The following PDE3A variants were observed in gnomAD, a reference collection of about 807,000 sequenced individuals.
PDE3A encodes phosphodiesterase 3A.
PDE3A carries 43 observed loss-of-function variants against 98.3 expected under a neutral mutation model. The observed-to-expected ratio is 0.44, with a 90% CI of 0.34 to 0.56. The LOEUF is 0.56. Among genes scored for constraint, PDE3A ranks in the 20% least tolerant of loss-of-function variants. The pLI is 0.01. For synonymous variants in PDE3A, 663 were observed against 567.9 expected (o/e 1.17, Z -2.38); for missense variants, 1,427 against 1,440.7 (o/e 0.99, Z 0.15).
At chr12:20,626,473 G>T (rs1565454481) in intron 5 of PDE3A, among the ~76,000 whole-genome samples, 1 of 151,630 alleles carries the variant, frequency 6.6e-6, no homozygotes, top group South Asian at 2.1e-4. Flanking sequence ...GTTGCCAAGA[G>T]TTACACTTTT....
chr12:20,677,769 C>G (rs1249550596), intron 15 of PDE3A, among the ~76,000 whole-genome samples: 1 of 151,698 alleles, frequency 6.6e-6, no homozygotes, highest in Non-Finnish European at 1.5e-5. Context: ...GTCAGGGAAA[C>G]TTTTTCTTGA....
At chr12:20,662,182 C>A (rs951957106) in intron 15 of PDE3A, among the ~76,000 whole-genome samples, 3 of 152,158 alleles carry the variant, frequency 2.0e-5, no homozygotes, top group Non-Finnish European at 4.4e-5. Context: ...TTATCAGTAG[C>A]ATGAAAACGG....
rs1325749778 is a variant in PDE3A, at chr12:20,369,761, GGCTGTCGCGCT to G, written c.482_492del (p.Val161GlyfsTer55). On this transcript the variant is annotated frameshift_variant, in exon 1 of 16. Transcript: ENST00000359062. LOFTEE classifies it high-confidence loss of function. ...TGCGCGCCGGGGTGCGCCTGCCTCT[GGCTGTCGCGCT>G]GCTGGCCGCCTGCTGCGGGGGGGAA... 2.1e-5 allele frequency: 34 copies of G among 1,612,526 alleles called. No homozygotes were observed. Among genetic ancestry groups the G allele is most frequent in the Non-Finnish European group, 2.7e-5 (32 of 1,179,782 alleles).
intron 1 of PDE3A, among the ~76,000 whole-genome samples, chr12:20,512,218 C>A: frequency 6.6e-6 from 1 of 151,352 alleles, no homozygotes; most frequent in East Asian, 1.9e-4. Context: ...TTGTACTATG[C>A]TAATATAAAA....
At chr12:20,393,562 A>G (rs1432501226) in intron 1 of PDE3A, among the ~76,000 whole-genome samples, 1 of 152,004 alleles carries the variant, frequency 6.6e-6, no homozygotes, top group African/African-American at 2.4e-5. Flanking sequence ...CAGTTACCTG[A>G]TTTGATTATT....
At position 20,634,064 on chromosome 12, in the gene PDE3A, C is replaced by G. The variant is rs114938517; in HGVS notation, c.1846+286C>G. ...AATTAAAATCATCTGTACTCCTACT[C>G]TCTAGAGTTAATCATTGGTAAAGTT... On this transcript the variant is annotated intron_variant, in intron 7 of 15. Coordinates refer to ENST00000359062, the MANE Select transcript of PDE3A (RefSeq NM_000921.5). Among the ~76,000 whole-genome samples, 824 of 152,214 alleles carry G rather than the reference C, an allele frequency of 5.4e-3. 7 individuals carry two copies. Among genetic ancestry groups the G allele is most frequent in the African/African-American group, 0.018 (768 of 41,532 alleles).
At chr12:20,519,952 C>T (rs537380707) in intron 1 of PDE3A, among the ~76,000 whole-genome samples, 1 of 152,140 alleles carries the variant, frequency 6.6e-6, no homozygotes, top group Non-Finnish European at 1.5e-5. Flanking sequence ...ACTCCTCCAA[C>T]GTAGATGTCC....
chr12:20,593,861 G>T (rs1325059550), intron 2 of PDE3A, among the ~76,000 whole-genome samples: 1 of 152,206 alleles, frequency 6.6e-6, no homozygotes, highest in South Asian at 2.1e-4. Flanking sequence ...AACATAGGGT[G>T]AGGGCTGGGA....
rs1944370432 is a variant in PDE3A at position 20,631,236 on chromosome 12, A to G, written c.1760+1109A>G. 2.0e-5 allele frequency among the ~76,000 whole-genome samples: 3 copies of G among 152,280 alleles called. No homozygotes were observed. In the Middle Eastern group the frequency reaches 0.01, roughly 518 times the overall value. On this transcript the variant is annotated intron_variant, in intron 6 of 15. Transcript: ENST00000359062. ...AGTTTTTTAATAAAATAATTTCTGC[A>G]GGATATTAATCTCATCTCTTTTCCA...
chr12:20,541,105 TTTTTTTTTTG>T (rs1941895392), intron 1 of PDE3A, among the ~76,000 whole-genome samples: 4 of 84,938 alleles, frequency 4.7e-5, no homozygotes, highest in South Asian at 3.9e-4. Context: ...TTTTTTTTTT[TTTTTTTTTTG>T]AGACAGGGTC....
At chr12:20,507,434 G>A (rs916934212) in intron 1 of PDE3A, among the ~76,000 whole-genome samples, 7 of 152,166 alleles carry the variant, frequency 4.6e-5, no homozygotes, top group Middle Eastern at 3.4e-3. Context: ...ATTGACCAGT[G>A]AATGCTTTAC....
chr12:20,454,180 C>G (rs866204207), intron 1 of PDE3A, among the ~76,000 whole-genome samples: 1 of 152,166 alleles, frequency 6.6e-6, no homozygotes, highest in Non-Finnish European at 1.5e-5. Context: ...CTTGCTTGAA[C>G]CCGTTAAGCA....
chr12:20,490,553 G>A (rs1267029735), intron 1 of PDE3A, among the ~76,000 whole-genome samples: 2 of 152,104 alleles, frequency 1.3e-5, no homozygotes, highest in East Asian at 1.9e-4. Flanking sequence ...CAATCATGAG[G>A]CTGAGGTGCA....
chr12:20,678,214 T>G (rs982084461), intron 15 of PDE3A, among the ~76,000 whole-genome samples: 1 of 152,210 alleles, frequency 6.6e-6, no homozygotes. Context: ...TCACTTAATC[T>G]TTCCTCATAT....
chr12:20,643,114 C>T (rs750152026), intron 10 of PDE3A, among the ~76,000 whole-genome samples: 14 of 151,850 alleles, frequency 9.2e-5, no homozygotes, highest in Non-Finnish European at 1.8e-4. Context: ...TATGCATGTG[C>T]GTCTATATGT....
At chr12:20,626,790 G>C (rs540407722) in intron 5 of PDE3A, among the ~76,000 whole-genome samples, 89 of 152,234 alleles carry the variant, frequency 5.8e-4, no homozygotes, top group African/African-American at 2.1e-3. Flanking sequence ...GAGCCACCGC[G>C]CCTAGCCGAG....
chr12:20,434,327 A>G (rs1263459892), intron 1 of PDE3A, among the ~76,000 whole-genome samples: 2 of 152,132 alleles, frequency 1.3e-5, no homozygotes, highest in Non-Finnish European at 2.9e-5. Context: ...GTTCGTTTTC[A>G]TTGAAATTCT....
chr12:20,460,955 C>T (rs1945237678), intron 1 of PDE3A, among the ~76,000 whole-genome samples: 1 of 152,028 alleles, frequency 6.6e-6, no homozygotes, highest in Admixed American at 6.6e-5. Context: ...TAACTTTTTA[C>T]CTGAGTAATG....
At chr12:20,376,424 C>T (rs1943571951) in intron 1 of PDE3A, among the ~76,000 whole-genome samples, 1 of 151,816 alleles carries the variant, frequency 6.6e-6, no homozygotes, top group Admixed American at 6.6e-5. Context: ...ACTCTAAATT[C>T]TCATTCAGCA....
Sources: allele counts gnomAD v4.1 joint callset (sites outside exome capture counted in the v4.1 genomes callset), GRCh38; gene constraint gnomAD v4.1.1; transcripts MANE v1.5; gene names NCBI Gene and HGNC (gene_info 2026-07-23, HGNC 2026-07-21).